CNTNAP2: variants seen among roughly 807,000 people sequenced by gnomAD.
CNTNAP2 encodes the protein contactin-associated protein-like 2.
A neutral mutation model predicts 155.2 loss-of-function variants in CNTNAP2; 98 were observed. That is an observed-to-expected ratio of 0.63 (90% CI 0.54 to 0.75). The LOEUF (loss-of-function observed/expected upper bound fraction) is 0.75, where lower values mean the gene tolerates loss of function less well. CNTNAP2 is among the 30% of genes least tolerant of loss of function. The pLI, the probability that CNTNAP2 is intolerant of heterozygous loss-of-function variation, is 0.00. For missense variants in CNTNAP2, 1,727 were observed against 1,688.1 expected (o/e 1.02, Z -0.40); for synonymous variants, 651 against 631.2 (o/e 1.03, Z -0.47).
chr7:146,578,683 G>A (rs2129147324), intron 1 of CNTNAP2, among the ~76,000 whole-genome samples: 1 of 152,122 alleles, frequency 6.6e-6, no homozygotes, highest in East Asian at 1.9e-4. Context: ...CTTTATAAAT[G>A]AGAAAATTAA....
rs1802348608 is a variant in CNTNAP2 at position 146,774,258 on chromosome 7, C to T, written c.98-13C>T. On this transcript the variant is annotated splice_polypyrimidine_tract_variant and intron_variant, in intron 1 of 23. Coordinates refer to ENST00000361727, the MANE Select transcript of CNTNAP2 (RefSeq NM_014141.6). ...GTTGAGTGTCTCTCTCCCTCTCTGT[C>T]TTTTGTTTTCAGAAAAATGTGATGA... is the stretch of plus-strand genomic sequence containing the variant. The T allele has an allele frequency of 2.5e-6, 4 of 1,603,998 alleles. No individual in the cohort carries two copies. The highest frequency in any genetic ancestry group is 1.7e-5 in the Admixed American group (1 of 59,932).
chr7:148,175,104 G>A (rs1328040799), intron 18 of CNTNAP2, among the ~76,000 whole-genome samples: 1 of 152,146 alleles, frequency 6.6e-6, no homozygotes, highest in Non-Finnish European at 1.5e-5. Flanking sequence ...TTTTACAGCT[G>A]CATAGTATTC....
rs1798088724 is a variant in CNTNAP2, at chr7:147,806,243, TCAA to T, written c.2099-97319_2099-97317del. Among the ~76,000 whole-genome samples the T allele has an allele frequency of 2.0e-5, 3 of 152,204 alleles. No homozygotes were observed. In the South Asian group the frequency reaches 6.2e-4, roughly 32 times the overall value. The stretch of plus-strand genomic sequence containing the variant: ...GCCCAACAGGTATGTGAAAAAATGC[TCAA>T]CATCACTAATAATCAGAGCAAGACA... On this transcript the variant is annotated intron_variant, in intron 13 of 23. Transcript: ENST00000361727.
At chr7:147,043,531 T>C (rs527481988) in intron 3 of CNTNAP2, among the ~76,000 whole-genome samples, 1 of 152,282 alleles carries the variant, frequency 6.6e-6, no homozygotes, top group East Asian at 1.9e-4. Flanking sequence ...TGGGAGAAAA[T>C]GTGGAGGAGA....
At chr7:146,482,537 G>A (rs1049840206) in intron 1 of CNTNAP2, among the ~76,000 whole-genome samples, 5 of 152,084 alleles carry the variant, frequency 3.3e-5, no homozygotes, top group African/African-American at 1.2e-4. Context: ...AAGGTTAAGA[G>A]ATTGAGACCA....
At chr7:148,328,522 G>A (rs1585276566) in intron 21 of CNTNAP2, among the ~76,000 whole-genome samples, 1 of 152,034 alleles carries the variant, frequency 6.6e-6, no homozygotes, top group East Asian at 1.9e-4. Flanking sequence ...TAGGCCTTGG[G>A]GCCATGAACT....
At chr7:147,628,837 G>C (rs1795033267) in intron 12 of CNTNAP2, among the ~76,000 whole-genome samples, 1 of 125,826 alleles carries the variant, frequency 7.9e-6, no homozygotes, top group Admixed American at 8.5e-5. Context: ...TCTTCTACCA[G>C]GAAAAAACAG....
chr7:147,613,963 G>A (rs1801236347), intron 12 of CNTNAP2, among the ~76,000 whole-genome samples: 1 of 152,100 alleles, frequency 6.6e-6, no homozygotes, highest in African/African-American at 2.4e-5. Context: ...TAAAGACAGG[G>A]ATCTAATTTT....
At chr7:146,681,241 A>G (rs1216824944) in intron 1 of CNTNAP2, among the ~76,000 whole-genome samples, 1 of 151,106 alleles carries the variant, frequency 6.6e-6, no homozygotes, top group Non-Finnish European at 1.5e-5. Flanking sequence ...AATACTTTAG[A>G]ACTTCCTGTA....
chr7:147,805,844 T>C (rs747713872), intron 13 of CNTNAP2, among the ~76,000 whole-genome samples: 21 of 152,190 alleles, frequency 1.4e-4, no homozygotes, highest in Non-Finnish European at 2.6e-4. Flanking sequence ...TTCTTGAGAA[T>C]CAAATCAAAA....
chr7:148,276,417 A>G (rs6943516), intron 21 of CNTNAP2, among the ~76,000 whole-genome samples: 150,433 of 152,308 alleles, frequency 0.99, 74,316 homozygotes, highest in Middle Eastern at 1. Flanking sequence ...TGTCCCAACC[A>G]AGGCAGGAGG....
chr7:146,320,930 C>T (rs1001346124), intron 1 of CNTNAP2, among the ~76,000 whole-genome samples: 1 of 151,672 alleles, frequency 6.6e-6, no homozygotes, highest in African/African-American at 2.4e-5. Context: ...GATATAATAT[C>T]TTTTAAAGAA....
chr7:146,264,043 C>T (rs906342551), intron 1 of CNTNAP2, among the ~76,000 whole-genome samples: 3 of 152,162 alleles, frequency 2.0e-5, no homozygotes, highest in Admixed American at 6.5e-5. Context: ...TATTCTCCTT[C>T]GCAGGGTCAG....
At chr7:147,680,451 T>C (rs2116978795) in intron 13 of CNTNAP2, among the ~76,000 whole-genome samples, 1 of 152,004 alleles carries the variant, frequency 6.6e-6, no homozygotes, top group Admixed American at 6.6e-5. Context: ...CAACAATATG[T>C]CCTGGGCATG....
intron 4 of CNTNAP2, among the ~76,000 whole-genome samples, chr7:147,060,567 A>G (rs1799644243): frequency 6.6e-6 from 1 of 151,772 alleles, no homozygotes; most frequent in Non-Finnish European, 1.5e-5. Context: ...CTAAAAGTAC[A>G]AAAAAAATAT....
intron 13 of CNTNAP2, among the ~76,000 whole-genome samples, chr7:147,665,777 C>A (rs922077433): frequency 1.3e-5 from 2 of 152,054 alleles, no homozygotes; most frequent in Non-Finnish European, 2.9e-5. Context: ...CAGCTCCATT[C>A]ATGTTCCTAC....
intron 9 of CNTNAP2, among the ~76,000 whole-genome samples, chr7:147,334,777 C>T (rs1190837283): frequency 4.6e-5 from 7 of 152,226 alleles, no homozygotes; most frequent in Non-Finnish European, 8.8e-5. Flanking sequence ...CATGAATAAG[C>T]ATGTTCGTGT....
intron 9 of CNTNAP2, among the ~76,000 whole-genome samples, chr7:147,353,991 T>C (rs1796015772): frequency 6.6e-6 from 1 of 152,126 alleles, no homozygotes; most frequent in African/African-American, 2.4e-5. Context: ...TGTTTTTTTT[T>C]TTCTTGTAAA....
chr7:146,313,645 T>C (rs1800862515), intron 1 of CNTNAP2, among the ~76,000 whole-genome samples: 1 of 152,082 alleles, frequency 6.6e-6, no homozygotes. Flanking sequence ...GATCTTCCCC[T>C]GTTTTCTTAT....
Sources: gnomAD v4.1 joint callset for allele counts (sites outside exome capture counted in the v4.1 genomes callset) on GRCh38, gnomAD v4.1.1 for gene constraint, MANE v1.5 for transcripts, NCBI Gene and HGNC (gene_info 2026-07-23, HGNC 2026-07-21) for gene names.